ITGA1: variants seen among roughly 807,000 people sequenced by gnomAD.
The protein encoded by ITGA1 is integrin alpha-1.
Under a neutral mutation model 145.9 loss-of-function variants are expected in ITGA1, and 85 were observed. The observed-to-expected ratio is 0.58, with a 90% confidence interval of 0.49 to 0.70. The LOEUF is 0.70. Among genes scored for constraint, ITGA1 ranks in the 30% least tolerant of loss-of-function variants. The probability of loss-of-function intolerance (pLI) is 0.00; values close to 1 mark genes in which losing one functional copy is unlikely to be tolerated. For missense variants in ITGA1, 1,351 were observed against 1,418.7 expected, an observed-to-expected ratio of 0.95 and a Z score of 0.77; for synonymous variants, 520 against 495.3, an observed-to-expected ratio of 1.05 and a Z score of -0.66.
chr5:52,881,944 G>A lies in ITGA1; in HGVS notation c.696G>A (p.Glu232=). The change falls in exon 7 of 29, where the codon GAG becomes GAA. Residue 232 remains glutamate (E), a synonymous_variant. Transcript: ENST00000282588. ...FNLNKYSSTE[E]VLVAAKKIVQ... The stretch of plus-strand genomic sequence containing the variant: ...TCAATAAGTATTCTTCCACCGAAGA[G>A]GTACTTGTTGCAGCAAAGAAAATAG... 2.5e-6 allele frequency: 4 copies of A among 1,613,782 alleles called. No homozygotes were observed. Among genetic ancestry groups the A allele is most frequent in the East Asian group, 2.2e-5 (1 of 44,862 alleles).
chr5:52,834,182 T>C (rs1246144985), intron 1 of ITGA1, among the ~76,000 whole-genome samples: 1 of 152,200 alleles, frequency 6.6e-6, no homozygotes, highest in Admixed American at 6.5e-5. Flanking sequence ...TCACTTCTGT[T>C]CAAGTTCACT....
intron 1 of ITGA1, among the ~76,000 whole-genome samples, chr5:52,832,535 A>G (rs2111723451): frequency 6.6e-6 from 1 of 152,310 alleles, no homozygotes; most frequent in East Asian, 1.9e-4. Context: ...TAAAACAATC[A>G]CATATTAGGA....
chr5:52,854,367 T>C (rs1397389431), intron 2 of ITGA1, among the ~76,000 whole-genome samples: 3 of 152,232 alleles, frequency 2.0e-5, no homozygotes, highest in Non-Finnish European at 2.9e-5. Context: ...ATGCTTATTT[T>C]ACATTGCTTC....
chr5:52,917,933 C>G lies in ITGA1; in HGVS notation c.1989-799C>G, dbSNP rs144805650. Among the ~76,000 whole-genome samples the G allele has an allele frequency of 2.4e-4, 36 of 152,228 alleles. No individual in the cohort carries two copies. In the East Asian group the frequency reaches 4.4e-3, roughly 19 times the overall value. ...GTGACCTCATTATTCACAACATACA[C>G]AGTTATAAGGGGCTAGCTCTGGCCA... On this transcript the variant is annotated intron_variant, in intron 15 of 28. Transcript: ENST00000282588.
chr5:52,822,304 ATTAG>A (rs1748891482), intron 1 of ITGA1, among the ~76,000 whole-genome samples: 1 of 152,216 alleles, frequency 6.6e-6, no homozygotes, highest in Non-Finnish European at 1.5e-5. Flanking sequence ...TCTGGCTATA[ATTAG>A]TTACTCTATT....
intron 12 of ITGA1, among the ~76,000 whole-genome samples, chr5:52,906,787 C>G (rs1750415201): frequency 6.6e-6 from 1 of 152,192 alleles, no homozygotes; most frequent in African/African-American, 2.4e-5. Context: ...AGGGGCAGGA[C>G]TGCATCAGCC....
chr5:52,899,324 GT>G (rs1750279822), intron 11 of ITGA1, among the ~76,000 whole-genome samples: 1 of 152,152 alleles, frequency 6.6e-6, no homozygotes, highest in Non-Finnish European at 1.5e-5. Flanking sequence ...CTTTACTGCG[GT>G]GTTTATACAT....
chr5:52,911,492 A>G (rs552310336), intron 14 of ITGA1, among the ~76,000 whole-genome samples: 17 of 129,024 alleles, frequency 1.3e-4, no homozygotes, highest in African/African-American at 2.8e-4. Context: ...TATATATAGT[A>G]TATATAGTAG....
At chr5:52,929,725 T>G in intron 21 of ITGA1, 24 bp downstream of exon 21, 1 of 1,276,418 alleles carries the variant, frequency 7.8e-7, no homozygotes, top group Admixed American at 1.9e-5. Flanking sequence ...TGTATAAATG[T>G]ATGTATATGA....
intron 1 of ITGA1, among the ~76,000 whole-genome samples, chr5:52,838,551 T>C (rs1749200018): frequency 6.6e-6 from 1 of 152,194 alleles, no homozygotes; most frequent in Non-Finnish European, 1.5e-5. Context: ...AAAGAAATGT[T>C]ATGAATCCGT....
intron 1 of ITGA1, chr5:52,800,403 C>T (rs538357669): frequency 1.9e-6 from 3 of 1,613,886 alleles, no homozygotes; most frequent in African/African-American, 2.7e-5. Flanking sequence ...CCATGAAGCT[C>T]GTGAGGAAGA....
At chr5:52,891,526 AG>A (rs1750148298) in intron 8 of ITGA1, among the ~76,000 whole-genome samples, 1 of 144,740 alleles carries the variant, frequency 6.9e-6, no homozygotes, top group Admixed American at 7.0e-5. Flanking sequence ...GTCCAGTTTG[AG>A]TTATTGTTAT....
intron 2 of ITGA1, among the ~76,000 whole-genome samples, chr5:52,858,241 T>C (rs1214152125): frequency 2.6e-5 from 4 of 152,198 alleles, no homozygotes; most frequent in Admixed American, 6.5e-5. Flanking sequence ...TCCCCCTACA[T>C]AGAATAAAGC....
intron 7 of ITGA1, chr5:52,882,811 A>G (rs1265948245): frequency 6.6e-6 from 1 of 152,216 alleles, no homozygotes; most frequent in Non-Finnish European, 1.5e-5. Flanking sequence ...CAGGAAATGT[A>G]ATAAGTAGTT....
intron 12 of ITGA1, among the ~76,000 whole-genome samples, chr5:52,907,314 A>C (rs10076207): frequency 0.035 from 5,255 of 152,308 alleles, 347 homozygotes; most frequent in African/African-American, 0.12. Flanking sequence ...AACGTAAAAT[A>C]AGATGTCAGC....
intron 6 of ITGA1, among the ~76,000 whole-genome samples, chr5:52,876,592 C>T (rs1273922686): frequency 1.3e-5 from 2 of 152,030 alleles, no homozygotes; most frequent in Non-Finnish European, 2.9e-5. Flanking sequence ...CCTGCTATCT[C>T]GGTTTTCCAT....
chr5:52,883,728 A>G (rs527455877), intron 7 of ITGA1, among the ~76,000 whole-genome samples: 1 of 152,308 alleles, frequency 6.6e-6, no homozygotes, highest in African/African-American at 2.4e-5. Flanking sequence ...GTCTTGAAGA[A>G]AGGGACACTC....
At chr5:52,846,598 G>A (rs1749341943) in intron 1 of ITGA1, among the ~76,000 whole-genome samples, 1 of 152,154 alleles carries the variant, frequency 6.6e-6, no homozygotes, top group Non-Finnish European at 1.5e-5. Context: ...CTTCAAATAT[G>A]TGAAAGACTA....
At chr5:52,800,000 A>G (rs1463278871) in intron 1 of ITGA1, 2 of 273,346 alleles carry the variant, frequency 7.3e-6, no homozygotes, top group Non-Finnish European at 7.1e-6. Flanking sequence ...CTCACAGCTT[A>G]GTGCGCCTGC....
Sources: gnomAD v4.1 joint callset for allele counts (sites outside exome capture counted in the v4.1 genomes callset) on GRCh38, gnomAD v4.1.1 for gene constraint, MANE v1.5 for transcripts, NCBI Gene and HGNC (gene_info 2026-07-23, HGNC 2026-07-21) for gene names.